The following GRM5 variants were observed in gnomAD, a reference collection of about 807,000 sequenced individuals.
The protein encoded by GRM5 is metabotropic glutamate receptor 5.
GRM5 carries 19 observed loss-of-function variants against 83.1 expected under a neutral mutation model. The observed-to-expected ratio is 0.23, with a 90% CI of 0.16 to 0.34. The LOEUF (loss-of-function observed/expected upper bound fraction) is 0.34. Among genes scored for constraint, GRM5 ranks in the 10% least tolerant of loss-of-function variants. GRM5 has a pLI of 1.00. For missense variants in GRM5, 1,160 were observed against 1,588.3 expected (o/e 0.73, Z 4.58); for synonymous variants, 675 against 633.6 (o/e 1.07, Z -0.98).
At chr11:88,661,501 T>C (rs1939905411) in intron 3 of GRM5, among the ~76,000 whole-genome samples, 2 of 152,098 alleles carry the variant, frequency 1.3e-5, no homozygotes, top group Admixed American at 6.6e-5. Flanking sequence ...ATAATTATTA[T>C]GGAAACTGCT....
chr11:88,630,586 CACACAT>C (rs1938938452), intron 4 of GRM5, among the ~76,000 whole-genome samples: 5 of 106,126 alleles, frequency 4.7e-5, no homozygotes, highest in East Asian at 2.6e-4. Flanking sequence ...CACACACACA[CACACAT>C]ATTATGATGG....
intron 3 of GRM5, among the ~76,000 whole-genome samples, chr11:88,824,577 T>C (rs886643480): frequency 6.6e-6 from 1 of 152,166 alleles, no homozygotes; most frequent in African/African-American, 2.4e-5. Flanking sequence ...GGCATTACAT[T>C]CTCATAAGTA....
chr11:88,676,284 A>ACATTATTTATTCAGTTTCACATG (rs1271284672), intron 3 of GRM5, among the ~76,000 whole-genome samples: 4 of 152,116 alleles, frequency 2.6e-5, no homozygotes, highest in South Asian at 2.1e-4. Flanking sequence ...TCTTCAAAGG[A>ACATTATTTATTCAGTTTCACATG]CATTATTTAT....
rs544307378 is a variant in GRM5, at chr11:89,046,592, A to C, written c.661+620T>G. 5.3e-5 allele frequency among the ~76,000 whole-genome samples: 8 copies of C among 152,342 alleles called. No homozygotes were observed. The South Asian group carries it at 6.2e-4, about 12-fold the overall frequency. On this transcript the variant is annotated intron_variant, in intron 2 of 9. Coordinates refer to ENST00000305447, the MANE Select transcript of GRM5 (RefSeq NM_001143831.3). ...ATTCTTGGAGCACAAAGAAGCAATA[A>C]ATTTTAAAACAAACATGTTGAATTA...
intron 9 of GRM5, among the ~76,000 whole-genome samples, chr11:88,519,811 T>A (rs1941628482): frequency 6.6e-6 from 1 of 152,198 alleles, no homozygotes; most frequent in South Asian, 2.1e-4. Context: ...CCTTGGATAG[T>A]AAGAGCACAT....
chr11:88,617,928 G>C (rs1294285997), intron 4 of GRM5, among the ~76,000 whole-genome samples: 1 of 152,172 alleles, frequency 6.6e-6, no homozygotes, highest in Non-Finnish European at 1.5e-5. Context: ...GTGAGGTGGG[G>C]AGTGCTAAGA....
chr11:88,879,113 A>T (rs1311780098), intron 2 of GRM5, among the ~76,000 whole-genome samples: 1 of 152,160 alleles, frequency 6.6e-6, no homozygotes, highest in Non-Finnish European at 1.5e-5. Flanking sequence ...TACTATGGAA[A>T]TTGTAAATAA....
At chr11:88,919,093 AT>A (rs1266370387) in intron 2 of GRM5, among the ~76,000 whole-genome samples, 2 of 150,004 alleles carry the variant, frequency 1.3e-5, no homozygotes, top group Non-Finnish European at 3.0e-5. Context: ...AATAAAAAAA[AT>A]AGAGTGGCTG....
intron 3 of GRM5, among the ~76,000 whole-genome samples, chr11:88,836,862 CAATA>C: frequency 6.6e-6 from 1 of 151,934 alleles, no homozygotes; most frequent in Non-Finnish European, 1.5e-5. Flanking sequence ...ATCTAGAAAA[CAATA>C]AAGAGCAAAT....
intron 3 of GRM5, among the ~76,000 whole-genome samples, chr11:88,729,362 CAA>C (rs538867810): frequency 7.1e-6 from 1 of 141,628 alleles, no homozygotes. Flanking sequence ...AACCACTGCC[CAA>C]AAAAAAAAAT....
intron 4 of GRM5, among the ~76,000 whole-genome samples, chr11:88,627,326 TCA>T (rs1451592257): frequency 6.6e-6 from 1 of 151,574 alleles, no homozygotes; most frequent in African/African-American, 2.4e-5. Context: ...AATCACATTA[TCA>T]CATTTATTAA....
At chr11:88,945,418 A>C (rs1322544065) in intron 2 of GRM5, among the ~76,000 whole-genome samples, 1 of 152,116 alleles carries the variant, frequency 6.6e-6, no homozygotes, top group African/African-American at 2.4e-5. Context: ...GGAACAAAAA[A>C]AGAGCCTGAA....
chr11:88,833,283 T>C (rs959540491), intron 3 of GRM5, among the ~76,000 whole-genome samples: 1 of 151,598 alleles, frequency 6.6e-6, no homozygotes, highest in Non-Finnish European at 1.5e-5. Flanking sequence ...TAACTCCCGC[T>C]GCCCCCCCAA....
chr11:88,906,285 TAAAAC>T (rs1403401882), intron 2 of GRM5, among the ~76,000 whole-genome samples: 1 of 152,192 alleles, frequency 6.6e-6, no homozygotes, highest in African/African-American at 2.4e-5. Context: ...AGAGGGCAAC[TAAAAC>T]AAGAGTGTTC....
At chr11:88,948,797 A>G (rs755836141) in intron 2 of GRM5, among the ~76,000 whole-genome samples, 8 of 152,254 alleles carry the variant, frequency 5.3e-5, no homozygotes, top group Non-Finnish European at 1.0e-4. Flanking sequence ...TATGAAAACA[A>G]TTCAAAATGC....
At chr11:88,715,702 G>A (rs1408815621) in intron 3 of GRM5, among the ~76,000 whole-genome samples, 1 of 151,986 alleles carries the variant, frequency 6.6e-6, no homozygotes, top group East Asian at 1.9e-4. Context: ...TATTTACTGT[G>A]TGCCAACTAT....
intron 3 of GRM5, among the ~76,000 whole-genome samples, chr11:88,731,821 A>G (rs967072188): frequency 6.6e-6 from 1 of 151,982 alleles, no homozygotes; most frequent in Non-Finnish European, 1.5e-5. Context: ...AGATAACCTA[A>G]TAGTTTATTT....
At chr11:88,973,415 G>T (rs1293982663) in intron 2 of GRM5, among the ~76,000 whole-genome samples, 1 of 152,064 alleles carries the variant, frequency 6.6e-6, no homozygotes, top group East Asian at 1.9e-4. Flanking sequence ...GATTGTTCAG[G>T]TGGGCCCTAA....
intron 2 of GRM5, among the ~76,000 whole-genome samples, chr11:88,887,716 C>G (rs1336849604): frequency 6.6e-6 from 1 of 152,186 alleles, no homozygotes; most frequent in Non-Finnish European, 1.5e-5. Flanking sequence ...TGTCATTTCT[C>G]TTTCTAGATG....
Sources: allele counts gnomAD v4.1 joint callset (sites outside exome capture counted in the v4.1 genomes callset), GRCh38; gene constraint gnomAD v4.1.1; transcripts MANE v1.5; gene names NCBI Gene and HGNC (gene_info 2026-07-23, HGNC 2026-07-21).